Variants in FERMT2 observed in about 807,000 individuals in gnomAD.
FERMT2 encodes the protein FERM domain containing kindlin 2.
In FERMT2, 15 loss-of-function variants were observed where a neutral mutation model predicts 82.7. That is an observed-to-expected ratio of 0.18 (90% confidence interval 0.12 to 0.28). FERMT2 has a LOEUF of 0.28. Ranked by LOEUF, FERMT2 falls within the 10% of genes least tolerant of loss-of-function variation. The pLI is 1.00. For synonymous variants in FERMT2, 274 were observed against 271.5 expected, an observed-to-expected ratio of 1.01 and a Z score of -0.09; for missense variants, 645 against 809.4, an observed-to-expected ratio of 0.80 and a Z score of 2.46.
rs879787163 is a variant in FERMT2, at chr14:52,887,138, C to CT, written c.527-5670dup. On this transcript the variant is annotated intron_variant, in intron 4 of 14. Transcript: ENST00000341590. ...GAGGCTAGGTGCAGTGATCCCAGCA[C>CT]TTTTTTTTTTTTTTTGAGATGGAGT... 8.7e-3 allele frequency among the ~76,000 whole-genome samples: 1,232 copies of CT among 141,846 alleles called. 18 individuals carry two copies. Among genetic ancestry groups the CT allele is most frequent in the East Asian group, 0.079 (389 of 4,944 alleles). 93.1% of individuals were successfully genotyped at this position (141,846 alleles called of 152,430 possible).
intron 13 of FERMT2, 135 bp from the exon 14 acceptor site, chr14:52,859,849 G>A (rs1248393041): frequency 6.3e-6 from 3 of 474,916 alleles, no homozygotes; most frequent in Admixed American, 4.3e-5. Flanking sequence ...ACGGAGTCTT[G>A]CTCTGTTGCC....
At chr14:52,946,292 C>T (rs562919338) in intron 2 of FERMT2, among the ~76,000 whole-genome samples, 92 of 152,000 alleles carry the variant, frequency 6.1e-4, no homozygotes, top group African/African-American at 2.1e-3. Context: ...TAATCCTTAT[C>T]CCTGATATTT....
chr14:52,920,428 C>T (rs746301421), intron 2 of FERMT2, among the ~76,000 whole-genome samples: 11 of 151,722 alleles, frequency 7.3e-5, no homozygotes, highest in East Asian at 3.9e-4. Flanking sequence ...CCCATGAGTT[C>T]GAGACCAGGC....
At chr14:52,947,606 T>C (rs1890420406) in intron 2 of FERMT2, among the ~76,000 whole-genome samples, 1 of 152,190 alleles carries the variant, frequency 6.6e-6, no homozygotes, top group Non-Finnish European at 1.5e-5. Flanking sequence ...ATAATAAAAG[T>C]CTAACTAAAC....
rs139795368 is a variant in FERMT2, at chr14:52,945,108, C to G, written c.157+5304G>C. ...TTTTTCTGTAGAAACGGGATTTCAC[C>G]ATGTTGCCCGGCTGGTCTCAAACTC... On this transcript the variant is annotated intron_variant, in intron 2 of 14. Transcript: ENST00000341590. Among the ~76,000 whole-genome samples the G allele has an allele frequency of 2.4e-3, 365 of 152,194 alleles. 3 individuals carry two copies. The highest frequency in any genetic ancestry group is 8.3e-3 in the African/African-American group (346 of 41,522).
At chr14:52,871,613 G>A (rs148998964) in intron 10 of FERMT2, 2 of 152,404 alleles carry the variant, frequency 1.3e-5, no homozygotes, top group Non-Finnish European at 2.9e-5. Context: ...GATGAAAAAG[G>A]TGAAAGAGCA....
Position 52,864,498 on chromosome 14 carries a change from T to C in FERMT2, c.1505A>G (p.Asn502Ser). 1 of 1,614,040 alleles carries C rather than the reference T, an allele frequency of 6.2e-7. No individual in the cohort carries two copies. Among genetic ancestry groups the C allele is most frequent in the Admixed American group, 1.7e-5 (1 of 60,010 alleles). Reference protein sequence around the residue: ...ILSFLKMQHLNPDPQLIPEQI... With the variant: ...ILSFLKMQHLSPDPQLIPEQI... ...CTCTGGTATTAACTGAGGATCTGGG[T>C]TTAAATGCTGCATCTTCAGAAAGGA... The change falls in exon 12 of 15, where the codon AAC (asparagine) becomes AGC (serine). Residue 502 changes from asparagine to serine, a missense_variant. Physicochemically the swap from Asn to Ser is conservative, Grantham distance 46 (BLOSUM62 1). Coordinates refer to ENST00000341590, the MANE Select transcript of FERMT2 (RefSeq NM_006832.3).
At chr14:52,901,668 G>C (rs1232574531) in intron 3 of FERMT2, among the ~76,000 whole-genome samples, 1 of 152,168 alleles carries the variant, frequency 6.6e-6, no homozygotes, top group African/African-American at 2.4e-5. Flanking sequence ...AGAGCCTCTA[G>C]GAGCTGAGAA....
chr14:52,871,991 AG>A (rs1025479245), intron 10 of FERMT2: 46 of 152,434 alleles, frequency 3.0e-4, no homozygotes, highest in African/African-American at 1.1e-3. Flanking sequence ...GGGAAGGGGA[AG>A]GACTTGCCCA....
intron 3 of FERMT2, among the ~76,000 whole-genome samples, chr14:52,900,384 C>T (rs537521454): frequency 1.4e-5 from 1 of 72,206 alleles, no homozygotes; most frequent in Non-Finnish European, 3.1e-5. Flanking sequence ...TATAAAAAAG[C>T]ATGAGGGTGA....
At chr14:52,863,853 ATAAAT>A (rs1885102420) in intron 12 of FERMT2, among the ~76,000 whole-genome samples, 1 of 152,226 alleles carries the variant, frequency 6.6e-6, no homozygotes, top group Non-Finnish European at 1.5e-5. Context: ...ATAAAATTAA[ATAAAT>A]TAAGGAACAC....
chr14:52,947,880 G>A lies in FERMT2; in HGVS notation c.157+2532C>T, dbSNP rs76004136. Among the ~76,000 whole-genome samples the A allele has an allele frequency of 4.5e-3, 690 of 152,266 alleles. 3 individuals carry two copies. Among genetic ancestry groups the A allele is most frequent in the African/African-American group, 0.016 (668 of 41,538 alleles). ...GGAATAGGTCATCCTGAGATCTATCGACTTCAGGGAAATAATTGCTGCTAC... is the reference window on the plus strand; with the variant it reads ...GGAATAGGTCATCCTGAGATCTATCAACTTCAGGGAAATAATTGCTGCTAC... On this transcript the variant is annotated intron_variant, in intron 2 of 14. Coordinates refer to ENST00000341590, the MANE Select transcript of FERMT2 (RefSeq NM_006832.3).
chr14:52,916,337 C>T (rs1309377766), intron 3 of FERMT2, among the ~76,000 whole-genome samples: 5 of 145,322 alleles, frequency 3.4e-5, no homozygotes, highest in African/African-American at 5.1e-5. Context: ...GAGCGAGACT[C>T]GTCTCAAAAA....
chr14:52,931,454 T>TA (rs762721662), intron 2 of FERMT2, among the ~76,000 whole-genome samples: 13 of 152,154 alleles, frequency 8.5e-5, no homozygotes, highest in Non-Finnish European at 1.8e-4. Flanking sequence ...AAGCACAAAT[T>TA]AGAGTCTGGC....
intron 12 of FERMT2, chr14:52,862,024 C>T (rs1594923644): frequency 6.6e-6 from 1 of 152,146 alleles, no homozygotes; most frequent in Non-Finnish European, 1.5e-5. Flanking sequence ...TCACTACTTA[C>T]TAGGCACCAG....
intron 2 of FERMT2, among the ~76,000 whole-genome samples, chr14:52,944,397 A>G (rs17125966): frequency 0.021 from 3,213 of 152,338 alleles, 78 homozygotes; most frequent in East Asian, 0.074. Flanking sequence ...GGGAAAAACT[A>G]AGGATTTCAA....
At chr14:52,930,409 ATGAC>A (rs1889507775) in intron 2 of FERMT2, among the ~76,000 whole-genome samples, 2 of 152,238 alleles carry the variant, frequency 1.3e-5, no homozygotes, top group Admixed American at 6.5e-5. Flanking sequence ...CCTGACCTAT[ATGAC>A]TAGCAACACT....
At chr14:52,925,939 C>T (rs570884130) in intron 2 of FERMT2, among the ~76,000 whole-genome samples, 2 of 152,096 alleles carry the variant, frequency 1.3e-5, no homozygotes, top group Non-Finnish European at 1.5e-5. Context: ...CCACCGCGCC[C>T]GGCACAGATG....
chr14:52,869,930 G>T (rs1253291024), intron 10 of FERMT2, among the ~76,000 whole-genome samples: 1 of 151,912 alleles, frequency 6.6e-6, no homozygotes, highest in Non-Finnish European at 1.5e-5. Context: ...GTGTGCCTGT[G>T]ATTTAAGCTA....
Sources: allele counts gnomAD v4.1 joint callset (sites outside exome capture counted in the v4.1 genomes callset), GRCh38; gene constraint gnomAD v4.1.1; transcripts MANE v1.5; gene names NCBI Gene and HGNC (gene_info 2026-07-23, HGNC 2026-07-21).